ATRX: variants seen among roughly 807,000 people sequenced by gnomAD.
The protein encoded by ATRX is chromatin remodeler ATRX.
ATRX carries 12 observed loss-of-function variants against 172.6 expected under a neutral mutation model. The observed-to-expected ratio is 0.07, with a 90% CI of 0.04 to 0.11. The LOEUF (loss-of-function observed/expected upper bound fraction) is 0.11, where lower values mean the gene tolerates loss of function less well. ATRX is among the 10% of genes least tolerant of loss of function. The pLI is 1.00. For synonymous variants in ATRX, 674 were observed against 594.7 expected (o/e 1.13, Z -1.94); for missense variants, 1,368 against 1,767.4 (o/e 0.77, Z 4.05).
intron 22 of ATRX, among the ~76,000 whole-genome samples, chrX:77,613,703 A>G (rs2148227589): frequency 8.9e-6 from 1 of 112,334 alleles, no homozygotes; most frequent in South Asian, 3.6e-4. Context: ...TATATTCTGC[A>G]TGTGAATCCC....
intron 1 of ATRX, among the ~76,000 whole-genome samples, chrX:77,765,783 A>G (rs1314799112): frequency 1.8e-5 from 2 of 108,423 alleles, no homozygotes; most frequent in Non-Finnish European, 3.8e-5. Context: ...AGGGAAGGTC[A>G]GCAGATAAAC....
intron 30 of ATRX, among the ~76,000 whole-genome samples, chrX:77,548,333 AT>A (rs1557054211): frequency 8.9e-6 from 1 of 111,874 alleles, no homozygotes; most frequent in Non-Finnish European, 1.9e-5. Flanking sequence ...AATAACAATC[AT>A]TTTATACTAG....
intron 1 of ATRX, among the ~76,000 whole-genome samples, chrX:77,779,056 C>G (rs2076472634): frequency 9.5e-6 from 1 of 105,648 alleles, no homozygotes; most frequent in South Asian, 4.4e-4. Flanking sequence ...ACTTCCCGAG[C>G]AGCTGGCACT....
chrX:77,572,642 G>T lies in ATRX; in HGVS notation c.6326+1608C>A, dbSNP rs1602599522. Among the ~76,000 whole-genome samples, 2 of 111,550 alleles carry T rather than the reference G, an allele frequency of 1.8e-5. 1 individual carries two copies. Among genetic ancestry groups the T allele is most frequent in the Admixed American group, 1.9e-4 (2 of 10,494 alleles). ...ATTTGGGAAACCTAGCAAGCCAAAG[G>T]TTTAGATTATGTTTGAGAAATTTGA... is the stretch of plus-strand genomic sequence containing the variant. On this transcript the variant is annotated intron_variant, in intron 28 of 34. Transcript: ENST00000373344.
Position 77,724,633 on chromosome X carries a change from T to C in ATRX, c.21-7390A>G, listed in dbSNP as rs147192417. 4.0e-3 allele frequency among the ~76,000 whole-genome samples: 448 copies of C among 111,465 alleles called. 4 individuals carry two copies. Among genetic ancestry groups the C allele is most frequent in the African/African-American group, 0.014 (427 of 30,724 alleles). On this transcript the variant is annotated intron_variant, in intron 1 of 34. Transcript: ENST00000373344. ...AAAAATGCAAAATGATCAAGTTGGGTAAAACTAATTTTTTGCCCAAATCTG... is the reference window on the plus strand; with the variant it reads ...AAAAATGCAAAATGATCAAGTTGGGCAAAACTAATTTTTTGCCCAAATCTG...
At chrX:77,692,803 T>A (rs1407521883) in intron 6 of ATRX, among the ~76,000 whole-genome samples, 2 of 110,748 alleles carry the variant, frequency 1.8e-5, no homozygotes, top group African/African-American at 6.6e-5. Context: ...TCTAAATGAA[T>A]CCTTCTGATG....
At chrX:77,630,665 T>C (rs1354531681) in intron 19 of ATRX, among the ~76,000 whole-genome samples, 4 of 112,054 alleles carry the variant, frequency 3.6e-5, no homozygotes, top group African/African-American at 1.3e-4. Context: ...CAAATGGTGT[T>C]AGAACAACTG....
intron 1 of ATRX, among the ~76,000 whole-genome samples, chrX:77,769,971 C>A (rs1024304738): frequency 1.8e-5 from 2 of 110,256 alleles, no homozygotes; most frequent in African/African-American, 6.6e-5. Context: ...GTGGAACACG[C>A]TACTGAGGAG....
chrX:77,769,461 A>G (rs1557197921), intron 1 of ATRX, among the ~76,000 whole-genome samples: 1 of 109,656 alleles, frequency 9.1e-6, no homozygotes, highest in Admixed American at 9.8e-5. Flanking sequence ...GCTAATTTTT[A>G]TATTTTTAGT....
intron 6 of ATRX, among the ~76,000 whole-genome samples, chrX:77,690,357 C>T (rs782047084): frequency 8.9e-6 from 1 of 112,463 alleles, no homozygotes; most frequent in Non-Finnish European, 1.9e-5. Context: ...TGTGAGCCAC[C>T]ACACCTAGCC....
intron 27 of ATRX, among the ~76,000 whole-genome samples, chrX:77,575,356 AT>A (rs1208053820): frequency 1.0e-4 from 11 of 108,832 alleles, no homozygotes; most frequent in South Asian, 3.9e-4. Flanking sequence ...TTTATTTATG[AT>A]TTTTTTTTCA....
At chrX:77,555,012 G>A (rs1474123210) in intron 30 of ATRX, among the ~76,000 whole-genome samples, 2 of 111,755 alleles carry the variant, frequency 1.8e-5, no homozygotes, top group African/African-American at 6.5e-5. Context: ...AAAGATAAAA[G>A]AGGGGCTCTG....
chrX:77,739,231 TA>T (rs374636944), intron 1 of ATRX, among the ~76,000 whole-genome samples: 135 of 110,833 alleles, frequency 1.2e-3, no homozygotes, highest in African/African-American at 3.0e-3. Flanking sequence ...AGCGAGAACA[TA>T]ACGATGTTTG....
chrX:77,521,513 G>GA lies in ATRX; in HGVS notation c.6976-16dup. ...TTAATGAGGTCCTAGAAGAATGCAA[G>GA]AAATAAGTTATATAAGGCAGAAAGA... On this transcript the variant is annotated splice_polypyrimidine_tract_variant and intron_variant, in intron 32 of 34. Coordinates refer to ENST00000373344, the MANE Select transcript of ATRX (RefSeq NM_000489.6). 1 of 1,143,493 alleles carries GA rather than the reference G, an allele frequency of 8.7e-7. No homozygotes were observed. Among genetic ancestry groups the GA allele is most frequent in the Middle Eastern group, 2.5e-4 (1 of 4,024 alleles). 94.2% of individuals were successfully genotyped at this position (1,143,493 alleles called of 1,213,427 possible). A position where few individuals can be genotyped will look rare whatever the true frequency, so the allele number is the denominator to read the frequency against.
At chrX:77,574,211 T>G in intron 28 of ATRX, 39 bp downstream of exon 28, 1 of 867,360 alleles carries the variant, frequency 1.2e-6, no homozygotes, top group Non-Finnish European at 1.7e-6. Context: ...TAAAATTAAT[T>G]ATTTTAATGT....
chrX:77,638,776 G>A (rs898507042), intron 15 of ATRX, among the ~76,000 whole-genome samples: 7 of 112,218 alleles, frequency 6.2e-5, no homozygotes, highest in East Asian at 2.8e-4. Context: ...GAGAAACAGT[G>A]TGGTGAAGTA....
intron 27 of ATRX, among the ~76,000 whole-genome samples, chrX:77,575,330 TGC>T (rs1420541031): frequency 1.8e-5 from 2 of 110,369 alleles, no homozygotes; most frequent in Non-Finnish European, 3.8e-5. Context: ...AATTCATTAA[TGC>T]TTATGAAAGT....
chrX:77,554,070 C>T (rs1557057699), intron 30 of ATRX, among the ~76,000 whole-genome samples: 1 of 111,453 alleles, frequency 9.0e-6, no homozygotes, highest in East Asian at 2.8e-4. Flanking sequence ...TTTGGGAGGC[C>T]AAGGCAGGTG....
chrX:77,563,903 T>G (rs2065107223), intron 28 of ATRX, among the ~76,000 whole-genome samples: 1 of 110,534 alleles, frequency 9.0e-6, no homozygotes, highest in South Asian at 3.8e-4. Context: ...GCAGTTGGTA[T>G]AAGTCCTAGT....
Sources: gnomAD v4.1 joint callset for allele counts (sites outside exome capture counted in the v4.1 genomes callset) on GRCh38, gnomAD v4.1.1 for gene constraint, MANE v1.5 for transcripts, NCBI Gene and HGNC (gene_info 2026-07-23, HGNC 2026-07-21) for gene names.